The following TTC27 variants were observed in gnomAD, a reference collection of about 807,000 sequenced individuals.
TTC27 encodes the protein tetratricopeptide repeat protein 27.
Under a neutral mutation model 115.9 loss-of-function variants are expected in TTC27, and 79 were observed. The observed-to-expected ratio is 0.68, with a 90% CI of 0.57 to 0.82. TTC27 has a LOEUF of 0.82. Among genes scored for constraint, TTC27 ranks in the 40% least tolerant of loss-of-function variants. The pLI, the probability that TTC27 is intolerant of heterozygous loss-of-function variation, is 0.00. For synonymous variants in TTC27, 401 were observed against 356.0 expected, an observed-to-expected ratio of 1.13 and a Z score of -1.42; for missense variants, 1,054 against 993.1, an observed-to-expected ratio of 1.06 and a Z score of -0.82.
At chr2:32,754,747 G>T (rs547149165) in intron 12 of TTC27, among the ~76,000 whole-genome samples, 1 of 147,062 alleles carries the variant, frequency 6.8e-6, no homozygotes, top group Non-Finnish European at 1.5e-5. Flanking sequence ...CTCACCTCCC[G>T]GACGGGGTGG....
At chr2:32,688,265 A>G (rs530583322) in intron 9 of TTC27, among the ~76,000 whole-genome samples, 27 of 152,156 alleles carry the variant, frequency 1.8e-4, no homozygotes, top group Non-Finnish European at 2.9e-4. Context: ...GAAGAAATTT[A>G]TATGTGAAGG....
chr2:32,667,521 A>T lies in TTC27; in HGVS notation c.939+753A>T, dbSNP rs111740646. Among the ~76,000 whole-genome samples, 342 of 147,726 alleles carry T rather than the reference A, an allele frequency of 2.3e-3. 1 individual carries two copies. The highest frequency in any genetic ancestry group is 7.6e-3 in the African/African-American group (303 of 39,918). On this transcript the variant is annotated intron_variant, in intron 7 of 19. Transcript: ENST00000317907. ...ATCCTCCGCCTCCTGGGTTTAAGCG[A>T]TTCTCCTGCCTCAGCCTCCCGAGTA...
intron 5 of TTC27, among the ~76,000 whole-genome samples, chr2:32,662,053 A>C (rs1665568315): frequency 6.6e-6 from 1 of 152,208 alleles, no homozygotes; most frequent in South Asian, 2.1e-4. Context: ...GGTTCTGTTT[A>C]TGTGATGGAT....
chr2:32,652,155 C>T (rs924678141), intron 5 of TTC27, among the ~76,000 whole-genome samples: 2 of 152,066 alleles, frequency 1.3e-5, no homozygotes, highest in African/African-American at 2.4e-5. Flanking sequence ...AGGTAGATCA[C>T]GAGGTCAGGA....
Position 32,664,301 on chromosome 2 carries a change from A to C in TTC27, c.641-2A>C. 1.3e-6 allele frequency: 2 copies of C among 1,590,804 alleles called. No homozygotes were observed. Among genetic ancestry groups the C allele is most frequent in the Non-Finnish European group, 1.7e-6 (2 of 1,170,446 alleles). ...TTTAATGTTTTATCTTTTGTCTTGC[A>C]GTGATGAAACTACAGAATCTGTTTG... On this transcript the variant is annotated splice_acceptor_variant, in intron 5 of 19. Transcript: ENST00000317907. LOFTEE classifies it high-confidence loss of function.
At chr2:32,784,456 G>C (rs939904289) in intron 15 of TTC27, among the ~76,000 whole-genome samples, 1 of 152,176 alleles carries the variant, frequency 6.6e-6, no homozygotes, top group South Asian at 2.1e-4. Flanking sequence ...GCCTTAAAAC[G>C]GCCCATTAAA....
intron 16 of TTC27, among the ~76,000 whole-genome samples, chr2:32,799,340 A>G (rs917709388): frequency 6.6e-6 from 1 of 152,180 alleles, no homozygotes; most frequent in Non-Finnish European, 1.5e-5. Context: ...GAATGTATTT[A>G]ATACTGATGA....
chr2:32,811,030 A>G lies in TTC27; in HGVS notation c.2005A>G (p.Lys669Glu), dbSNP rs1294263449. 1 of 1,614,064 alleles carries G rather than the reference A, an allele frequency of 6.2e-7. No homozygotes were observed. Among genetic ancestry groups the G allele is most frequent in the Non-Finnish European group, 8.5e-7 (1 of 1,180,032 alleles). The change falls in exon 17 of 20, where the codon AAA becomes GAA. Residue 669 changes from lysine to glutamate, a missense_variant. By Grantham distance (56) the Lys-to-Glu change is moderately conservative. Coordinates refer to ENST00000317907, the MANE Select transcript of TTC27 (RefSeq NM_017735.5). ...TGTTCTGTGCATTTTTAAGGTCCTTAAAATTCTAGTCAGGGCAGTGATTGA... is the reference window on the plus strand; with the variant it reads ...TGTTCTGTGCATTTTTAAGGTCCTTGAAATTCTAGTCAGGGCAGTGATTGA... ...RDKYKDVQVL[K>E]ILVRAVIDGM... is the part of the protein sequence containing the mutation.
intron 8 of TTC27, among the ~76,000 whole-genome samples, chr2:32,674,429 G>C (rs1240942834): frequency 1.3e-5 from 2 of 152,106 alleles, no homozygotes; most frequent in South Asian, 2.1e-4. Flanking sequence ...GGGATTATGA[G>C]GGTGAGCCAC....
rs557177268 is a variant in TTC27, at chr2:32,789,021, A to G, written c.1998+1872A>G. Among the ~76,000 whole-genome samples, 29 of 152,348 alleles carry G rather than the reference A, an allele frequency of 1.9e-4. No homozygotes were observed. In the South Asian group the frequency reaches 5.4e-3, roughly 28 times the overall value. On this transcript the variant is annotated intron_variant, in intron 16 of 19. Coordinates refer to ENST00000317907, the MANE Select transcript of TTC27 (RefSeq NM_017735.5). ...AATTCTCACCTCAGCTGTGGGGGAT[A>G]GGATTATACTGTCATAAGCTATGTC... is the stretch of plus-strand genomic sequence containing the variant.
At chr2:32,730,621 A>ATTTTT (rs10712292) in intron 10 of TTC27, among the ~76,000 whole-genome samples, 4 of 137,832 alleles carry the variant, frequency 2.9e-5, no homozygotes, top group African/African-American at 5.4e-5. Context: ...AGACTTTCTT[A>ATTTTT]TTTTTTTTTT....
chr2:32,780,865 G>A (rs201288079), intron 14 of TTC27, among the ~76,000 whole-genome samples: 1 of 109,678 alleles, frequency 9.1e-6, no homozygotes, highest in Non-Finnish European at 1.9e-5. Context: ...TTTTTTTTTT[G>A]TGGACTCCTT....
At chr2:32,673,225 A>ATTT (rs35513295) in intron 8 of TTC27, among the ~76,000 whole-genome samples, 22 of 132,494 alleles carry the variant, frequency 1.7e-4, no homozygotes, top group African/African-American at 2.6e-4. Context: ...CACCTTATGC[A>ATTT]TTTTTTTTTT....
intron 10 of TTC27, among the ~76,000 whole-genome samples, chr2:32,717,370 G>T (rs938838375): frequency 6.6e-6 from 1 of 152,158 alleles, no homozygotes; most frequent in Admixed American, 6.5e-5. Context: ...CAAATGGTGT[G>T]ATTGGACCCA....
intron 10 of TTC27, among the ~76,000 whole-genome samples, chr2:32,725,771 C>T (rs191835467): frequency 1.4e-3 from 212 of 152,336 alleles, no homozygotes; most frequent in African/African-American, 5.0e-3. Flanking sequence ...CCCCACATTT[C>T]CCTTCTGCAC....
chr2:32,629,092 T>C (rs1319955884), intron 1 of TTC27, among the ~76,000 whole-genome samples: 2 of 151,122 alleles, frequency 1.3e-5, no homozygotes, highest in African/African-American at 2.4e-5. Context: ...GTCACACTGT[T>C]GGTAAGCAGA....
At chr2:32,666,859 G>A (rs1665796947) in intron 7 of TTC27, 91 bp downstream of exon 7, 2 of 1,394,280 alleles carry the variant, frequency 1.4e-6, no homozygotes, top group African/African-American at 1.5e-5. Flanking sequence ...AATGGGTTGG[G>A]GACAGACTTC....
At chr2:32,786,936 TAA>T (rs765359764) in intron 15 of TTC27, 46 bp from the exon 16 acceptor site, 1 of 1,487,398 alleles carries the variant, frequency 6.7e-7, no homozygotes, top group African/African-American at 1.4e-5. Flanking sequence ...TTTATTCTAA[TAA>T]AAAAAGAGTT....
intron 16 of TTC27, among the ~76,000 whole-genome samples, chr2:32,809,475 C>T (rs1175323959): frequency 1.3e-5 from 2 of 152,188 alleles, no homozygotes; most frequent in African/African-American, 2.4e-5. Context: ...ATCAGCATCA[C>T]CTGGGAGCTT....
Sources: allele counts gnomAD v4.1 joint callset (sites outside exome capture counted in the v4.1 genomes callset), GRCh38; gene constraint gnomAD v4.1.1; transcripts MANE v1.5; gene names NCBI Gene and HGNC (gene_info 2026-07-23, HGNC 2026-07-21).